LPP: variants seen among roughly 807,000 people sequenced by gnomAD.
LPP encodes the protein lipoma-preferred partner.
Under a neutral mutation model 60.4 loss-of-function variants are expected in LPP, and 38 were observed. The observed-to-expected ratio is 0.63, with a 90% CI of 0.49 to 0.83. The LOEUF is 0.83. Among genes scored for constraint, LPP ranks in the 40% least tolerant of loss-of-function variants. The pLI, the probability that LPP is intolerant of heterozygous loss-of-function variation, is 0.00. For missense variants in LPP, 902 were observed against 783.6 expected (o/e 1.15, Z -1.80); for synonymous variants, 328 against 290.8 (o/e 1.13, Z -1.30).
chr3:188,651,208 T>G (rs939460531), intron 7 of LPP, among the ~76,000 whole-genome samples: 1 of 152,204 alleles, frequency 6.6e-6, no homozygotes, highest in Non-Finnish European at 1.5e-5. Context: ...TGCTGGGATA[T>G]TCAGACATAT....
intron 8 of LPP, chr3:188,709,118 C>T (rs938018117): frequency 1.3e-5 from 2 of 151,892 alleles, no homozygotes; most frequent in Admixed American, 6.6e-5. Context: ...TAATTTTCCC[C>T]TCTTCAAACT....
intron 2 of LPP, among the ~76,000 whole-genome samples, chr3:188,250,786 CTG>C (rs879857442): frequency 0.084 from 8,516 of 101,340 alleles, 423 homozygotes; most frequent in African/African-American, 0.17. Context: ...TTCTTTCTTT[CTG>C]TCTTTCTCTT....
chr3:188,476,936 T>A (rs970828479), intron 4 of LPP, among the ~76,000 whole-genome samples: 49 of 152,168 alleles, frequency 3.2e-4, no homozygotes, highest in African/African-American at 1.2e-3. Context: ...CCCTGATAAT[T>A]ATCCCTCTCC....
chr3:188,518,656 A>G (rs1818051766), intron 5 of LPP, among the ~76,000 whole-genome samples: 1 of 152,184 alleles, frequency 6.6e-6, no homozygotes, highest in South Asian at 2.1e-4. Context: ...CTCACAATCT[A>G]TAATGTGTCA....
Position 188,484,699 on chromosome 3 carries a change from G to A in LPP, c.301G>A (p.Val101Ile). ...PPPLDEEAFK[V>I]QGNPGGKTLE... ...ACCTCTTGATGAAGAGGCTTTCAAAGTACAGGTAAGAGCTGAAGTTAAAGT... is the reference window on the plus strand; with the variant it reads ...ACCTCTTGATGAAGAGGCTTTCAAAATACAGGTAAGAGCTGAAGTTAAAGT... Residue 101 changes from valine (V) to isoleucine (I), a missense_variant, in exon 5 of 12, where the codon GTA (valine) becomes ATA (isoleucine). Physicochemically the swap from Val to Ile is conservative, Grantham distance 29 (BLOSUM62 3). Coordinates refer to ENST00000617246, the MANE Select transcript of LPP (RefSeq NM_001375462.1). 2 of 1,604,656 alleles carry A rather than the reference G, an allele frequency of 1.2e-6. No individual in the cohort carries two copies. Among genetic ancestry groups the A allele is most frequent in the Admixed American group, 1.7e-5 (1 of 59,994 alleles).
intron 6 of LPP, 96 bp downstream of exon 6, chr3:188,524,883 CCTTCCTTCCGTCCGT>C: frequency 4.5e-6 from 1 of 220,968 alleles, no homozygotes; most frequent in Non-Finnish European, 6.6e-6. Flanking sequence ...ATTTCCCCTT[CCTTCCTTCCGTCCGT>C]CCTTCCTTCC....
At chr3:188,187,848 T>A (rs1727051408) in intron 1 of LPP, among the ~76,000 whole-genome samples, 1 of 152,192 alleles carries the variant, frequency 6.6e-6, no homozygotes, top group Non-Finnish European at 1.5e-5. Flanking sequence ...GAAGCAGATA[T>A]GTTATTAAAA....
intron 7 of LPP, among the ~76,000 whole-genome samples, chr3:188,636,466 G>C (rs1848797986): frequency 6.6e-6 from 1 of 152,192 alleles, no homozygotes; most frequent in African/African-American, 2.4e-5. Flanking sequence ...CAAGGCTGCA[G>C]CAAGACTGGG....
intron 5 of LPP, among the ~76,000 whole-genome samples, chr3:188,523,704 C>T (rs1186410021): frequency 1.3e-5 from 2 of 152,136 alleles, no homozygotes; most frequent in Non-Finnish European, 2.9e-5. Context: ...TAGACAAGTC[C>T]AGTAGAATTG....
chr3:188,461,167 G>A lies in LPP; in HGVS notation c.194-23425G>A, dbSNP rs115751584. On this transcript the variant is annotated intron_variant, in intron 4 of 11. Transcript: ENST00000617246. ...AGAATGGGCTGTCCTGGGGGATGGT[G>A]AGCTCCTTCCCACTGGAGGATTTTC... 3.6e-3 allele frequency among the ~76,000 whole-genome samples: 542 copies of A among 152,212 alleles called. 3 individuals are homozygous for A. Among genetic ancestry groups the A allele is most frequent in the African/African-American group, 0.012 (493 of 41,542 alleles).
In LPP at chr3:188,883,765, T is replaced by C. The variant is rs1006417168; in HGVS notation, c.*9286T>C. On this transcript the variant is annotated 3_prime_UTR_variant, in exon 12 of 12. Coordinates refer to ENST00000617246, the MANE Select transcript of LPP (RefSeq NM_001375462.1). ...AAAAAAAAAAAAAAAGGTTGGGAAA[T>C]ATTGGTGTATAATCCCCATGTCTAA... 1 of 159,972 alleles carries C rather than the reference T, an allele frequency of 6.3e-6. No homozygotes were observed. The highest frequency in any genetic ancestry group is 2.8e-5 in the African/African-American group (1 of 35,690). The allele number at this position is 159,972 out of a possible 1,614,324, so 9.9% of individuals were successfully genotyped here. A position where few individuals can be genotyped will look rare whatever the true frequency, so the allele number is the denominator to read the frequency against.
intron 7 of LPP, among the ~76,000 whole-genome samples, chr3:188,652,853 C>G (rs1852377868): frequency 6.6e-6 from 1 of 152,188 alleles, no homozygotes; most frequent in Non-Finnish European, 1.5e-5. Context: ...CCCTTATGCT[C>G]ACTCCTCTTA....
intron 10 of LPP, among the ~76,000 whole-genome samples, chr3:188,869,636 G>A (rs765815915): frequency 1.3e-5 from 2 of 152,198 alleles, no homozygotes; most frequent in East Asian, 1.9e-4. Context: ...TAATGTGCCT[G>A]TAATCCACAG....
At chr3:188,466,605 A>T (rs1800434879) in intron 4 of LPP, among the ~76,000 whole-genome samples, 1 of 151,610 alleles carries the variant, frequency 6.6e-6, no homozygotes, top group Non-Finnish European at 1.5e-5. Flanking sequence ...CTTAATCTTC[A>T]GGGTTTATAA....
chr3:188,641,595 A>T (rs1394421957), intron 7 of LPP, among the ~76,000 whole-genome samples: 2 of 152,200 alleles, frequency 1.3e-5, no homozygotes, highest in Non-Finnish European at 2.9e-5. Context: ...GAGCAGCAGG[A>T]TGCGTATCCC....
Position 188,702,282 on chromosome 3 carries a change from A to G in LPP, c.1114-5985A>G, listed in dbSNP as rs534006050. ...TTCCTCTTAACAGTTTTTTAGATAT[A>G]CATGTTCCTCCTGAAATGCCTTTAA... On this transcript the variant is annotated intron_variant, in intron 7 of 11. Coordinates refer to ENST00000617246, the MANE Select transcript of LPP (RefSeq NM_001375462.1). Among the ~76,000 whole-genome samples the G allele has an allele frequency of 4.0e-5, 6 of 149,236 alleles. No homozygotes were observed. In the South Asian group the frequency reaches 1.3e-3, roughly 32 times the overall value.
At chr3:188,306,427 G>A (rs1277401728) in intron 2 of LPP, among the ~76,000 whole-genome samples, 2 of 152,026 alleles carry the variant, frequency 1.3e-5, no homozygotes, top group Non-Finnish European at 2.9e-5. Context: ...ACAGAATTGT[G>A]GGATGAATGG....
intron 2 of LPP, among the ~76,000 whole-genome samples, chr3:188,246,902 C>A (rs978750938): frequency 6.6e-6 from 1 of 152,142 alleles, no homozygotes; most frequent in Non-Finnish European, 1.5e-5. Flanking sequence ...CAGCCTCAGA[C>A]CAGAAATGAT....
chr3:188,179,877 GC>G, intron 1 of LPP: 1 of 247,890 alleles, frequency 4.0e-6, no homozygotes, highest in Non-Finnish European at 8.0e-6. Flanking sequence ...CTTTTGCATG[GC>G]ATCTGTGCCT....
Sources: gnomAD v4.1 joint callset for allele counts (sites outside exome capture counted in the v4.1 genomes callset) on GRCh38, gnomAD v4.1.1 for gene constraint, MANE v1.5 for transcripts, NCBI Gene and HGNC (gene_info 2026-07-23, HGNC 2026-07-21) for gene names.